Variants in SMIM7 observed in about 807,000 individuals in gnomAD.
SMIM7 encodes the protein small integral membrane protein 7, also known as UPF0608 protein C19orf42.
Under a neutral mutation model 13.3 loss-of-function variants are expected in SMIM7, and 12 were observed. The observed-to-expected ratio is 0.90, with a 90% CI of 0.58 to 1.46. The LOEUF (loss-of-function observed/expected upper bound fraction) is 1.46, where lower values mean the gene tolerates loss of function less well. Ranked by LOEUF, SMIM7 falls within the 40% of genes most tolerant of loss-of-function variation. The pLI is 0.00. For synonymous variants in SMIM7, 36 were observed against 35.8 expected (o/e 1.01, Z -0.02); for missense variants, 114 against 94.8 (o/e 1.20, Z -0.84).
chr19:16,644,487 A>G (rs1047444118), downstream of SMIM7, among the ~76,000 whole-genome samples: 2 of 148,370 alleles, frequency 1.3e-5, no homozygotes, highest in Non-Finnish European at 3.0e-5. Flanking sequence ...CCCAGGCTGG[A>G]GTGCACTGGC....
At chr19:16,632,472 T>C (rs1397671758) in intron 4 of SMIM7, among the ~76,000 whole-genome samples, 1 of 151,786 alleles carries the variant, frequency 6.6e-6, no homozygotes, top group Non-Finnish European at 1.5e-5. Flanking sequence ...ATACTTTAAT[T>C]GCACTGTACA....
intron 3 of SMIM7, among the ~76,000 whole-genome samples, chr19:16,655,999 G>A (rs58602284): frequency 0.017 from 2,536 of 152,276 alleles, 72 homozygotes; most frequent in African/African-American, 0.058. Flanking sequence ...CTGTTTCCAG[G>A]AAGTTTTGAG....
chr19:16,653,525 G>A (rs2086555986), intron 4 of SMIM7, among the ~76,000 whole-genome samples: 1 of 151,926 alleles, frequency 6.6e-6, no homozygotes, highest in African/African-American at 2.4e-5. Context: ...AGAGGTTGCA[G>A]TGAGCCGAGA....
At chr19:16,647,298 A>G (rs2086461515) in intron 4 of SMIM7, 37 bp from the exon 5 acceptor site, 1 of 1,613,188 alleles carries the variant, frequency 6.2e-7, no homozygotes, top group African/African-American at 1.3e-5. Context: ...CTGTGAGGAT[A>G]GGAGGTGACT....
chr19:16,646,673 G>A lies in SMIM7; in HGVS notation c.*573C>T, dbSNP rs2086452290. On this transcript the variant is annotated 3_prime_UTR_variant, in exon 5 of 5. Transcript: ENST00000487416. ...TGTCTTCTGTGGAAACACTTCACCA[G>A]GAACTAGCTCAACACTCTTGCTAAC... is the stretch of plus-strand genomic sequence containing the variant. 6.4e-6 allele frequency: 1 copy of A among 156,788 alleles called. No individual in the cohort carries two copies. The highest frequency in any genetic ancestry group is 2.0e-4 in the South Asian group (1 of 5,044). The allele number at this position is 156,788 out of a possible 1,614,324, so 9.7% of individuals were successfully genotyped here.
At chr19:16,655,680 C>CCAAAA (rs2086588267) in intron 3 of SMIM7, among the ~76,000 whole-genome samples, 2 of 38,514 alleles carry the variant, frequency 5.2e-5, no homozygotes, top group Non-Finnish European at 5.1e-5. Flanking sequence ...GACTCCATCT[C>CCAAAA]AAAAAAAAAA....
intron 3 of SMIM7, among the ~76,000 whole-genome samples, chr19:16,658,727 G>GTTCA (rs1033139469): frequency 6.6e-6 from 1 of 152,182 alleles, no homozygotes; most frequent in African/African-American, 2.4e-5. Context: ...GTGTGAGGTT[G>GTTCA]TTCATTCATT....
chr19:16,639,553 A>G (rs1262325471), intron 4 of SMIM7, among the ~76,000 whole-genome samples: 1 of 152,212 alleles, frequency 6.6e-6, no homozygotes, highest in East Asian at 1.9e-4. Flanking sequence ...CTGCCCTTAT[A>G]GTGCTAAAGG....
chr19:16,651,217 C>T (rs2086520377), intron 4 of SMIM7, among the ~76,000 whole-genome samples: 1 of 152,214 alleles, frequency 6.6e-6, no homozygotes, highest in Admixed American at 6.5e-5. Context: ...GAGGTTGGCA[C>T]ATTTTCTCTG....
Position 16,659,380 on chromosome 19 carries a change from C to G in SMIM7, c.121+15G>C, listed in dbSNP as rs1357159649. 1 of 1,613,298 alleles carries G rather than the reference C, an allele frequency of 6.2e-7. No homozygotes were observed. Among genetic ancestry groups the G allele is most frequent in the Non-Finnish European group, 8.5e-7 (1 of 1,179,610 alleles). On this transcript the variant is annotated intron_variant, in intron 3 of 4. Transcript: ENST00000487416. ...GAAGTGGACCATGCAATTCCAGGAT[C>G]CAATTAGACCTTACCTGTGCTGGGC...
At chr19:16,641,649 A>T (rs1292671959), downstream of SMIM7, among the ~76,000 whole-genome samples, 1 of 152,078 alleles carries the variant, frequency 6.6e-6, no homozygotes, top group Non-Finnish European at 1.5e-5. Flanking sequence ...TCCAGGCTGG[A>T]GTGCAGTGGA....
intron 4 of SMIM7, chr19:16,652,690 A>T: frequency 7.0e-7 from 1 of 1,423,114 alleles, no homozygotes; most frequent in Non-Finnish European, 9.2e-7. Flanking sequence ...ATGTCCTGGA[A>T]GCATCTTCGC....
chr19:16,634,852 AAATGTCCATAGCAGCACTGCTCAT>A (rs1300358683), intron 4 of SMIM7: 6 of 151,800 alleles, frequency 4.0e-5, no homozygotes, highest in Admixed American at 6.6e-5. Context: ...GCGTACATGT[AAATGTCCATAGCAGCACTGCTCAT>A]AATAGCCATA....
At chr19:16,659,876 G>T in intron 2 of SMIM7, 83 bp downstream of exon 2, 1 of 1,525,476 alleles carries the variant, frequency 6.6e-7, no homozygotes, top group Non-Finnish European at 8.8e-7. Context: ...GGCGGGGCCT[G>T]AGAAGTGCGC....
intron 2 of SMIM7, 133 bp downstream of exon 2, chr19:16,659,826 C>T (rs142894276): frequency 1.7e-6 from 2 of 1,185,796 alleles, no homozygotes; most frequent in East Asian, 2.5e-5. Context: ...AGGCTGGAGG[C>T]GTGCCCAGAG....
intron 4 of SMIM7, among the ~76,000 whole-genome samples, chr19:16,637,554 C>T (rs180987080): frequency 6.6e-6 from 1 of 152,272 alleles, no homozygotes; most frequent in East Asian, 1.9e-4. Flanking sequence ...GCCTGTTAGG[C>T]AGAATCTGAA....
downstream of SMIM7, among the ~76,000 whole-genome samples, chr19:16,644,416 T>C (rs928885542): frequency 3.3e-5 from 5 of 151,026 alleles, no homozygotes; most frequent in Non-Finnish European, 7.4e-5. Context: ...AGCCTCTCAC[T>C]GCACTCAGTC....
intron 3 of SMIM7, among the ~76,000 whole-genome samples, chr19:16,656,801 A>T (rs977959720): frequency 2.6e-5 from 4 of 151,998 alleles, no homozygotes; most frequent in African/African-American, 9.7e-5. Flanking sequence ...AGGGAAGCTG[A>T]GGCAGGAGAA....
At chr19:16,638,850 AT>A (rs2086380644) in intron 4 of SMIM7, 1 of 152,186 alleles carries the variant, frequency 6.6e-6, no homozygotes, top group African/African-American at 2.4e-5. Flanking sequence ...CATATCACAG[AT>A]GAGGACGTGG....
Sources: gnomAD v4.1 joint callset for allele counts (sites outside exome capture counted in the v4.1 genomes callset) on GRCh38, gnomAD v4.1.1 for gene constraint, MANE v1.5 for transcripts, NCBI Gene and HGNC (gene_info 2026-07-23, HGNC 2026-07-21) for gene names.